MERTK: variants seen among roughly 807,000 people sequenced by gnomAD.
The protein encoded by MERTK is tyrosine-protein kinase Mer.
In MERTK, 69 loss-of-function variants were observed where a neutral mutation model predicts 99.3. The observed-to-expected ratio is 0.70, with a 90% CI of 0.57 to 0.85. MERTK has a LOEUF of 0.85. Among genes scored for constraint, MERTK ranks in the 40% least tolerant of loss-of-function variants. MERTK has a pLI of 0.00. For missense variants in MERTK, 1,125 were observed against 1,249.4 expected (o/e 0.90, Z 1.50); for synonymous variants, 426 against 467.6 (o/e 0.91, Z 1.15).
At position 111,961,281 on chromosome 2, in the gene MERTK, TTCCC is replaced by T. The variant is rs1441026873; in HGVS notation, c.758-3909_758-3906del. 3.3e-5 allele frequency among the ~76,000 whole-genome samples: 5 copies of T among 150,096 alleles called. 1 individual carries two copies. In the East Asian group the frequency reaches 1.0e-3, roughly 30 times the overall value. On this transcript the variant is annotated intron_variant, in intron 4 of 18. Coordinates refer to ENST00000295408, the MANE Select transcript of MERTK (RefSeq NM_006343.3). ...GGTTCAGCCATTCTCCTGCCTCAGC[TTCCC>T]GAGTAGCTGGGACTACAGGCGCCCG... is the stretch of plus-strand genomic sequence containing the variant.
At chr2:111,977,868 A>G (rs915295952) in intron 7 of MERTK, among the ~76,000 whole-genome samples, 1 of 152,002 alleles carries the variant, frequency 6.6e-6, no homozygotes, top group African/African-American at 2.4e-5. Flanking sequence ...CATCTCATAC[A>G]CCGTAATTTT....
At chr2:111,940,235 G>T (rs954051767) in intron 2 of MERTK, 1 of 261,568 alleles carries the variant, frequency 3.8e-6, no homozygotes, top group Non-Finnish European at 7.9e-6. Flanking sequence ...AAACATGCCG[G>T]AAGTATACAT....
rs1220027092 is a variant in MERTK at position 112,003,937 on chromosome 2, A to G, written c.1820A>G (p.Lys607Arg). Residue 607 changes from lysine (K) to arginine (R), a missense_variant, in exon 13 of 19, where the codon AAG becomes AGG. Physicochemically the swap from Lys to Arg is conservative, Grantham distance 26 (BLOSUM62 2). Coordinates refer to ENST00000295408, the MANE Select transcript of MERTK (RefSeq NM_006343.3). The stretch of plus-strand genomic sequence containing the variant: ...GGGTCTGTAATGGAAGGAAATCTTA[A>G]GCAGGAAGATGGGACCTCTCTGAAA... Reference protein sequence around the residue: ...EFGSVMEGNLKQEDGTSLKVA... With the variant: ...EFGSVMEGNLRQEDGTSLKVA... 1 of 1,613,746 alleles carries G rather than the reference A, an allele frequency of 6.2e-7. No individual in the cohort carries two copies. The highest frequency in any genetic ancestry group is 1.3e-5 in the African/African-American group (1 of 74,930).
chr2:111,978,007 A>G (rs1488083510), intron 7 of MERTK, among the ~76,000 whole-genome samples: 2 of 151,768 alleles, frequency 1.3e-5, no homozygotes, highest in Non-Finnish European at 2.9e-5. Flanking sequence ...AGCGCCAATC[A>G]TAGCTCACTG....
chr2:111,911,495 T>C (rs11678522), intron 1 of MERTK, among the ~76,000 whole-genome samples: 31,693 of 151,424 alleles, frequency 0.21, 3,977 homozygotes, highest in Middle Eastern at 0.36. Context: ...TTCAAGTGAT[T>C]CTCCTGCCTC....
chr2:111,941,833 TC>T (rs1374494572), intron 2 of MERTK, among the ~76,000 whole-genome samples: 1 of 152,180 alleles, frequency 6.6e-6, no homozygotes, highest in African/African-American at 2.4e-5. Context: ...AAGACAAACT[TC>T]CGATTGAGTT....
intron 18 of MERTK, chr2:112,025,019 A>G (rs1241067791): frequency 6.5e-6 from 1 of 154,460 alleles, no homozygotes; most frequent in East Asian, 1.9e-4. Context: ...GGGAAAGGTC[A>G]GTGACTCTTC....
At chr2:111,914,101 C>CTTTTTTTTTTTTTT (rs765850254) in intron 1 of MERTK, among the ~76,000 whole-genome samples, 13 of 94,458 alleles carry the variant, frequency 1.4e-4, no homozygotes, top group African/African-American at 3.3e-4. Context: ...TTCTTTCTTT[C>CTTTTTTTTTTTTTT]TTTTTTTTTT....
intron 15 of MERTK, chr2:112,013,473 C>T (rs1677150670): frequency 6.5e-6 from 1 of 154,384 alleles, no homozygotes. Flanking sequence ...TTTCTCATGG[C>T]CTTCACGTCA....
chr2:111,950,419 G>A (rs1161286372), intron 4 of MERTK, among the ~76,000 whole-genome samples: 1 of 152,196 alleles, frequency 6.6e-6, no homozygotes, highest in African/African-American at 2.4e-5. Flanking sequence ...TTGGATAAAT[G>A]CCTAGGAGAG....
chr2:111,925,595 G>A (rs753018870), intron 1 of MERTK, among the ~76,000 whole-genome samples: 5 of 150,178 alleles, frequency 3.3e-5, no homozygotes, highest in Admixed American at 6.7e-5. Flanking sequence ...GAGCCACCGC[G>A]CCTGGCCCAG....
chr2:112,019,561 A>G (rs1338558425), intron 16 of MERTK, 39 bp downstream of exon 16: 3 of 1,483,948 alleles, frequency 2.0e-6, no homozygotes, highest in South Asian at 1.1e-5. Context: ...TTTGGACCTC[A>G]TGGTGTTTGG....
At chr2:111,944,534 G>GTTTTAAGGAATTATTCCCTAAAATAATTC (rs1573589856) in intron 2 of MERTK, among the ~76,000 whole-genome samples, 1 of 23,604 alleles carries the variant, frequency 4.2e-5, no homozygotes, top group Non-Finnish European at 9.5e-5. Flanking sequence ...TAAGGAATTA[G>GTTTTAAGGAATTATTCCCTAAAATAATTC]CTCACACACA....
chr2:111,936,593 G>A (rs760595866), intron 2 of MERTK, among the ~76,000 whole-genome samples: 9 of 152,060 alleles, frequency 5.9e-5, no homozygotes, highest in African/African-American at 1.4e-4. Context: ...TGTTGATGGA[G>A]CCAGGAGTCA....
chr2:111,899,517 G>C (rs1216327955), intron 1 of MERTK, among the ~76,000 whole-genome samples: 2 of 151,840 alleles, frequency 1.3e-5, no homozygotes, highest in African/African-American at 4.8e-5. Context: ...GTTGTTACAG[G>C]CTTTTTTTTT....
At chr2:111,906,420 T>C (rs1242496138) in intron 1 of MERTK, among the ~76,000 whole-genome samples, 3 of 152,220 alleles carry the variant, frequency 2.0e-5, no homozygotes, top group African/African-American at 7.2e-5. Context: ...CAATAGTAGA[T>C]TGGCTTCATT....
chr2:111,944,533 A>ATTCCTTAAAATAATCCCTCT (rs1265922025), intron 2 of MERTK, among the ~76,000 whole-genome samples: 1 of 151,258 alleles, frequency 6.6e-6, no homozygotes, highest in Non-Finnish European at 1.5e-5. Flanking sequence ...TTAAGGAATT[A>ATTCCTTAAAATAATCCCTCT]GCTCACACAC....
At chr2:111,993,856 G>A (rs774316331) in intron 8 of MERTK, among the ~76,000 whole-genome samples, 5 of 152,200 alleles carry the variant, frequency 3.3e-5, no homozygotes, top group Non-Finnish European at 5.9e-5. Flanking sequence ...TCAAGGGCAG[G>A]TGGCAGGTGG....
At chr2:111,978,668 T>C (rs1676306563) in intron 7 of MERTK, among the ~76,000 whole-genome samples, 2 of 152,226 alleles carry the variant, frequency 1.3e-5, no homozygotes, top group African/African-American at 2.4e-5. Flanking sequence ...ATCTATGTTA[T>C]CTGTGGGTGG....
Sources: allele counts gnomAD v4.1 joint callset (sites outside exome capture counted in the v4.1 genomes callset), GRCh38; gene constraint gnomAD v4.1.1; transcripts MANE v1.5; gene names NCBI Gene and HGNC (gene_info 2026-07-23, HGNC 2026-07-21).